Variants in EML1 observed in about 807,000 individuals in gnomAD.
EML1 encodes echinoderm microtubule-associated protein-like 1.
EML1 carries 27 observed loss-of-function variants against 110.4 expected under a neutral mutation model. That is an observed-to-expected ratio of 0.24 (90% CI 0.18 to 0.34). The LOEUF (loss-of-function observed/expected upper bound fraction) is 0.34. Among genes scored for constraint, EML1 ranks in the 10% least tolerant of loss-of-function variants. The pLI, the probability that EML1 is intolerant of heterozygous loss-of-function variation, is 1.00. For missense variants in EML1, 741 were observed against 1,030.9 expected (o/e 0.72, Z 3.85); for synonymous variants, 344 against 385.8 (o/e 0.89, Z 1.27).
At chr14:99,870,732 T>G (rs1392037140) in intron 3 of EML1, among the ~76,000 whole-genome samples, 1 of 152,198 alleles carries the variant, frequency 6.6e-6, no homozygotes, top group Non-Finnish European at 1.5e-5. Context: ...ACAGCACATC[T>G]GTTGTAGCAA....
At chr14:99,759,551 G>A (rs2057291740) in intron 1 of EML1, among the ~76,000 whole-genome samples, 1 of 152,230 alleles carries the variant, frequency 6.6e-6, no homozygotes, top group Non-Finnish European at 1.5e-5. Context: ...ATATGTGTGA[G>A]CACTTCAGAC....
intron 19 of EML1, among the ~76,000 whole-genome samples, chr14:99,937,279 A>G (rs11160562): frequency 0.77 from 117,549 of 152,176 alleles, 45,880 homozygotes; most frequent in African/African-American, 0.89. Flanking sequence ...ACACAGGCAC[A>G]GGAACGGTAT....
chr14:99,894,550 G>A, intron 5 of EML1, 79 bp from the exon 6 acceptor site: 1 of 1,490,412 alleles, frequency 6.7e-7, no homozygotes, highest in East Asian at 2.4e-5. Flanking sequence ...TATACTGAAA[G>A]GCTAGAGAGG....
chr14:99,897,400 C>A lies in EML1; in HGVS notation c.827+106C>A, dbSNP rs966817635. The A allele has an allele frequency of 3.6e-6, 4 of 1,106,058 alleles. No individual in the cohort carries two copies. In the Admixed American group the frequency reaches 1.4e-4, roughly 37 times the overall value. 68.5% of individuals were successfully genotyped at this position (1,106,058 alleles called of 1,614,324 possible). A position where few individuals can be genotyped will look rare whatever the true frequency, so the allele number is the denominator to read the frequency against. ...CCTGGGCAACAGTGAAACCCTGTCT[C>A]TAAAATAAATAAATAAATAAATGTG... On this transcript the variant is annotated intron_variant, in intron 7 of 21. Coordinates refer to ENST00000262233, the MANE Select transcript of EML1 (RefSeq NM_004434.3).
At chr14:99,922,610 G>A (rs774212894) in intron 17 of EML1, among the ~76,000 whole-genome samples, 11 of 152,132 alleles carry the variant, frequency 7.2e-5, no homozygotes, top group Non-Finnish European at 1.5e-4. Flanking sequence ...ATTCTCGTCA[G>A]CCATGTGCTA....
chr14:99,798,287 A>G lies in EML1; in HGVS notation c.67+4744A>G, dbSNP rs150804027. On this transcript the variant is annotated intron_variant, in intron 1 of 21. Transcript: ENST00000262233. ...TCTACACCTGTTTCCTTTTGTCTGT[A>G]TTTCTTTCTTAACTTGATACAACTG... 9.9e-4 allele frequency among the ~76,000 whole-genome samples: 150 copies of G among 150,916 alleles called. 2 individuals carry two copies. Among genetic ancestry groups the G allele is most frequent in the Middle Eastern group, 3.4e-3 (1 of 290 alleles).
chr14:99,819,728 A>T (rs148143109), intron 1 of EML1, among the ~76,000 whole-genome samples: 176 of 152,298 alleles, frequency 1.2e-3, no homozygotes, highest in African/African-American at 4.1e-3. Flanking sequence ...TGAAGCAGAC[A>T]TGGGAGGGGG....
At chr14:99,794,542 T>C (rs147204038) in intron 1 of EML1, among the ~76,000 whole-genome samples, 11 of 152,372 alleles carry the variant, frequency 7.2e-5, no homozygotes, top group Non-Finnish European at 1.5e-4. Flanking sequence ...ATTCGACACC[T>C]GTTTGTCACT....
chr14:99,741,042 T>G (rs1306253339), intron 1 of EML1, among the ~76,000 whole-genome samples: 1 of 152,224 alleles, frequency 6.6e-6, no homozygotes, highest in Non-Finnish European at 1.5e-5. Flanking sequence ...CAGGCTGTTC[T>G]GTTTTCAGCA....
At chr14:99,764,925 G>T (rs199717300) in intron 1 of EML1, among the ~76,000 whole-genome samples, 2 of 152,040 alleles carry the variant, frequency 1.3e-5, no homozygotes, top group Non-Finnish European at 2.9e-5. Flanking sequence ...CGTTTTTGTT[G>T]TTGTTGGTGT....
At chr14:99,877,824 G>A (rs2059318554) in intron 3 of EML1, among the ~76,000 whole-genome samples, 1 of 152,118 alleles carries the variant, frequency 6.6e-6, no homozygotes, top group Non-Finnish European at 1.5e-5. Flanking sequence ...CGCACCCCGG[G>A]TCTCCACCCA....
intron 1 of EML1, among the ~76,000 whole-genome samples, chr14:99,840,272 A>G (rs2058612505): frequency 6.6e-6 from 1 of 152,260 alleles, no homozygotes; most frequent in Admixed American, 6.5e-5. Context: ...AGGCAAAATG[A>G]TGTAAAAATT....
rs546800956 is a variant in EML1, at chr14:99,759,670, T to C, written c.28+21810T>C. Reference sequence around the variant, plus strand: ...AGGGCTTGTCCTGGCAGCTCCGAGGTGGCATTGCTGGGTTTGCGCTGTGTC... The same window carrying C: ...AGGGCTTGTCCTGGCAGCTCCGAGGCGGCATTGCTGGGTTTGCGCTGTGTC... On this transcript the variant is annotated intron_variant, in intron 1 of 10. Coordinates refer to the EML1 transcript ENST00000554479. Among the ~76,000 whole-genome samples the C allele has an allele frequency of 3.0e-3, 455 of 152,320 alleles. 1 individual carries two copies. The highest frequency in any genetic ancestry group is 4.4e-3 in the Non-Finnish European group (296 of 68,018).
chr14:99,818,158 G>A (rs941959961), intron 1 of EML1, among the ~76,000 whole-genome samples: 1 of 151,998 alleles, frequency 6.6e-6, no homozygotes, highest in Non-Finnish European at 1.5e-5. Flanking sequence ...GTATCTGGAG[G>A]CCAGATCCCA....
chr14:99,878,634 T>C lies in EML1; in HGVS notation c.518+15T>C, dbSNP rs755880656. Reference sequence around the variant, plus strand: ...AACAGTGAAAGGTAAGGACGTCTTATCTCTCAGTTCCTGCTGTTCAGATAT... The same window carrying C: ...AACAGTGAAAGGTAAGGACGTCTTACCTCTCAGTTCCTGCTGTTCAGATAT... On this transcript the variant is annotated intron_variant, in intron 4 of 21. Coordinates refer to ENST00000262233, the MANE Select transcript of EML1 (RefSeq NM_004434.3). The C allele has an allele frequency of 2.2e-5, 35 of 1,610,376 alleles. No individual in the cohort carries two copies. Among genetic ancestry groups the C allele is most frequent in the Admixed American group, 6.7e-5 (4 of 59,448 alleles).
intron 1 of EML1, among the ~76,000 whole-genome samples, chr14:99,759,731 C>T (rs1202941697): frequency 6.6e-6 from 1 of 152,174 alleles, no homozygotes; most frequent in Non-Finnish European, 1.5e-5. Context: ...GCCTGTGCTG[C>T]GCAGGCTGAG....
intron 1 of EML1, among the ~76,000 whole-genome samples, chr14:99,845,911 T>G (rs977290715): frequency 1.3e-5 from 2 of 151,286 alleles, no homozygotes; most frequent in Non-Finnish European, 3.0e-5. Flanking sequence ...TTAGCCGGCG[T>G]TGGTGGCAGG....
chr14:99,766,854 A>C (rs57791716), intron 1 of EML1, among the ~76,000 whole-genome samples: 1,928 of 152,292 alleles, frequency 0.013, 18 homozygotes, highest in African/African-American at 0.034. Context: ...AAATGTTTGC[A>C]TGGAGAGAGA....
intron 17 of EML1, among the ~76,000 whole-genome samples, chr14:99,921,487 C>G (rs1447493532): frequency 1.3e-5 from 2 of 152,108 alleles, no homozygotes; most frequent in African/African-American, 4.8e-5. Flanking sequence ...ATTTAGGGTT[C>G]TTTTCCCTCC....
Sources: gnomAD v4.1 joint callset for allele counts (sites outside exome capture counted in the v4.1 genomes callset) on GRCh38, gnomAD v4.1.1 for gene constraint, MANE v1.5 for transcripts, NCBI Gene and HGNC (gene_info 2026-07-23, HGNC 2026-07-21) for gene names.